Variants in DOC2B observed in about 807,000 individuals in gnomAD.
DOC2B encodes the protein double C2-like domain-containing protein beta.
Under a neutral mutation model 28.9 loss-of-function variants are expected in DOC2B, and 21 were observed. That is an observed-to-expected ratio of 0.73 (90% CI 0.52 to 1.05). The LOEUF (loss-of-function observed/expected upper bound fraction) is 1.05. Ranked by LOEUF, DOC2B falls within the 50% of genes least tolerant of loss-of-function variation. The probability of loss-of-function intolerance (pLI) is 0.00; values close to 1 mark genes in which losing one functional copy is unlikely to be tolerated. For missense variants in DOC2B, 384 were observed against 421.1 expected (o/e 0.91, Z 0.77); for synonymous variants, 194 against 178.1 (o/e 1.09, Z -0.71).
Position 147,252 on chromosome 17 carries a change from G to T in DOC2B, c.*189C>A. ...TGAGAGCCCCCCACCCCAGCTCCTTGCCCTCCCCGTCCCAGAGTGGCTGAG... is the reference window on the plus strand; with the variant it reads ...TGAGAGCCCCCCACCCCAGCTCCTTTCCCTCCCCGTCCCAGAGTGGCTGAG... On this transcript the variant is annotated 3_prime_UTR_variant, in exon 9 of 9. Transcript: ENST00000613549. 7.7e-6 allele frequency: 3 copies of T among 387,334 alleles called. No individual in the cohort carries two copies. Among genetic ancestry groups the T allele is most frequent in the Non-Finnish European group, 9.1e-6 (2 of 219,900 alleles). 24.0% of individuals were successfully genotyped at this position (387,334 alleles called of 1,614,324 possible). A position where few individuals can be genotyped will look rare whatever the true frequency, so the allele number is the denominator to read the frequency against.
intron 1 of DOC2B, among the ~76,000 whole-genome samples, chr17:174,336 C>T (rs771556590): frequency 9.2e-5 from 14 of 152,270 alleles, no homozygotes; most frequent in Middle Eastern, 3.4e-3. Flanking sequence ...ATGGAGACAA[C>T]GATAGTATCC....
intron 6 of DOC2B, among the ~76,000 whole-genome samples, chr17:150,901 C>T (rs746836148): frequency 1.3e-5 from 2 of 152,182 alleles, no homozygotes; most frequent in African/African-American, 2.4e-5. Context: ...CGCATTCCTC[C>T]GTGTGAAAGA....
intron 1 of DOC2B, among the ~76,000 whole-genome samples, chr17:174,714 T>C (rs773709986): frequency 1.3e-5 from 2 of 152,212 alleles, no homozygotes; most frequent in Non-Finnish European, 2.9e-5. Context: ...CTGAAACTCC[T>C]ATTAGATTAC....
intron 1 of DOC2B, among the ~76,000 whole-genome samples, chr17:180,409 G>GC (rs1347537693): frequency 1.3e-5 from 2 of 152,202 alleles, no homozygotes; most frequent in South Asian, 4.1e-4. Flanking sequence ...GGGCTGGGGG[G>GC]CCCTCTCTGC....
chr17:158,986 G>A (rs534765445), intron 5 of DOC2B, among the ~76,000 whole-genome samples: 60 of 148,564 alleles, frequency 4.0e-4, no homozygotes, highest in Non-Finnish European at 6.4e-4. Flanking sequence ...GGAGGTTGAA[G>A]TAAGCCGACA....
chr17:164,255 T>G (rs2040237311), intron 2 of DOC2B, 51 bp from the exon 3 acceptor site: 2 of 1,392,382 alleles, frequency 1.4e-6, no homozygotes, highest in African/African-American at 2.9e-5. Flanking sequence ...GACATGGAAC[T>G]GACAGGGCCT....
At chr17:149,061 G>A (rs2040045177) in intron 7 of DOC2B, 50 bp downstream of exon 7, 1 of 398,628 alleles carries the variant, frequency 2.5e-6, no homozygotes. Flanking sequence ...CACCCCCACT[G>A]CTGTGGGGCA....
rs2040002389 is a variant in DOC2B at position 144,068 on chromosome 17, AGG to A, written c.*3371_*3372del. The A allele has an allele frequency of 2.6e-5, 3 of 116,270 alleles. No homozygotes were observed. The highest frequency in any genetic ancestry group is 1.1e-4 in the African/African-American group (3 of 27,808). 7.2% of individuals were successfully genotyped at this position (116,270 alleles called of 1,614,324 possible). A position where few individuals can be genotyped will look rare whatever the true frequency, so the allele number is the denominator to read the frequency against. Reference sequence around the variant, plus strand: ...AGACGGGCCCGTCGGGGATTGGCGCAGGCGGCGGGCGGGGCGGCGGGCGGGGC... The same window carrying A: ...AGACGGGCCCGTCGGGGATTGGCGCACGGCGGGCGGGGCGGCGGGCGGGGC... On this transcript the variant is annotated 3_prime_UTR_variant, in exon 9 of 9. Transcript: ENST00000613549.
At chr17:180,968 C>T in intron 1 of DOC2B, 139 bp downstream of exon 1, 7 of 720,470 alleles carry the variant, frequency 9.7e-6, no homozygotes, top group Non-Finnish European at 1.3e-5. Context: ...GCCAGGGGCC[C>T]GCAAGCCCGC....
intron 6 of DOC2B, among the ~76,000 whole-genome samples, chr17:154,980 C>T (rs975367296): frequency 3.9e-5 from 6 of 152,044 alleles, no homozygotes; most frequent in Non-Finnish European, 8.8e-5. Flanking sequence ...CCGTGCGCCT[C>T]GGCCTCCCAA....
chr17:159,019 G>A (rs1046959149), intron 5 of DOC2B, among the ~76,000 whole-genome samples: 4 of 148,654 alleles, frequency 2.7e-5, no homozygotes, highest in South Asian at 2.2e-4. Context: ...ACTCCAGCCT[G>A]GGCGACATAG....
chr17:147,491 G>A lies in DOC2B; in HGVS notation c.1189C>T (p.Arg397Cys), dbSNP rs1227222582. 7 of 398,802 alleles carry A rather than the reference G, an allele frequency of 1.8e-5. No homozygotes were observed. Among genetic ancestry groups the A allele is most frequent in the East Asian group, 1.4e-4 (4 of 28,074 alleles). 24.7% of individuals were successfully genotyped at this position (398,802 alleles called of 1,614,324 possible). A position where few individuals can be genotyped will look rare whatever the true frequency, so the allele number is the denominator to read the frequency against. The change falls in exon 9 of 9, where the codon CGC (arginine) becomes TGC (cysteine). Residue 397 changes from arginine (R) to cysteine (C), a missense_variant. By Grantham distance (180) the Arg-to-Cys change is radical. Coordinates refer to ENST00000613549, the MANE Select transcript of DOC2B (RefSeq NM_003585.5). The part of the protein sequence containing the change: ...CLKNKDKRIE[R>C]WHTLTSELPG... ...AGCTCGCTGGTGAGCGTGTGCCAGC[G>A]CTCGATGCGCTTGTCCTTGTTCTTC...
At chr17:161,268 C>T (rs556669507) in intron 5 of DOC2B, 147 bp downstream of exon 5, 50 of 845,408 alleles carry the variant, frequency 5.9e-5, no homozygotes, top group Middle Eastern at 3.2e-4. Flanking sequence ...CTCACCTCCA[C>T]CCCCTTGACT....
At chr17:148,101 C>G (rs1284373964) in intron 8 of DOC2B, 72 bp downstream of exon 8, 1 of 398,246 alleles carries the variant, frequency 2.5e-6, no homozygotes, top group Non-Finnish European at 4.4e-6. Flanking sequence ...CCCCATGGAC[C>G]AGGAAAGAGG....
intron 1 of DOC2B, among the ~76,000 whole-genome samples, chr17:175,628 G>GTCCATTCA (rs2040361426): frequency 2.0e-5 from 3 of 152,226 alleles, no homozygotes; most frequent in Admixed American, 2.0e-4. Context: ...CACATGGCTG[G>GTCCATTCA]TCCATTCAAA....
chr17:148,792 G>T (rs1328653051), intron 7 of DOC2B, among the ~76,000 whole-genome samples: 11 of 152,170 alleles, frequency 7.2e-5, no homozygotes, highest in African/African-American at 2.6e-4. Flanking sequence ...ACTTCCTGGG[G>T]CCCCAGGGTG....
chr17:162,566 T>C (rs2040217677), intron 3 of DOC2B, among the ~76,000 whole-genome samples: 1 of 152,208 alleles, frequency 6.6e-6, no homozygotes, highest in South Asian at 2.1e-4. Flanking sequence ...TAGGAAACTG[T>C]GGGCTCCCCG....
chr17:175,040 G>C (rs2040354012), intron 1 of DOC2B, among the ~76,000 whole-genome samples: 1 of 152,206 alleles, frequency 6.6e-6, no homozygotes, highest in South Asian at 2.1e-4. Context: ...AGGATTTCAA[G>C]ACCGGCCTGG....
rs2040023080 is a variant in DOC2B, at chr17:146,866, G to C, written c.*575C>G. The C allele has an allele frequency of 6.6e-6, 1 of 152,318 alleles. No individual in the cohort carries two copies. Among genetic ancestry groups the C allele is most frequent in the Non-Finnish European group, 1.5e-5 (1 of 68,088 alleles). 9.4% of individuals were successfully genotyped at this position (152,318 alleles called of 1,614,324 possible). A position where few individuals can be genotyped will look rare whatever the true frequency, so the allele number is the denominator to read the frequency against. ...TGTGTCTCATTCACCCCCAGGGCTT[G>C]TGGAATCATTGAGTGAAGCATGTGC... is the stretch of plus-strand genomic sequence containing the variant. On this transcript the variant is annotated 3_prime_UTR_variant, in exon 9 of 9. Transcript: ENST00000613549.
Sources: gnomAD v4.1 joint callset for allele counts (sites outside exome capture counted in the v4.1 genomes callset) on GRCh38, gnomAD v4.1.1 for gene constraint, MANE v1.5 for transcripts, NCBI Gene and HGNC (gene_info 2026-07-23, HGNC 2026-07-21) for gene names.